PCDH9: variants seen among roughly 807,000 people sequenced by gnomAD.
The protein encoded by PCDH9 is protocadherin-9.
In PCDH9, 24 loss-of-function variants were observed where a neutral mutation model predicts 70.6. The observed-to-expected ratio is 0.34, with a 90% CI of 0.25 to 0.48. PCDH9 has a LOEUF of 0.48. PCDH9 is among the 20% of genes least tolerant of loss of function. The pLI is 0.99. For synonymous variants in PCDH9, 562 were observed against 558.5 expected, an observed-to-expected ratio of 1.01 and a Z score of -0.09; for missense variants, 1,281 against 1,503.6, an observed-to-expected ratio of 0.85 and a Z score of 2.45.
chr13:67,041,830 C>A (rs1471849559), intron 2 of PCDH9, among the ~76,000 whole-genome samples: 32 of 109,842 alleles, frequency 2.9e-4, no homozygotes, highest in African/African-American at 4.2e-4. Context: ...GACTCTGTCT[C>A]AAAAAAAAAA....
intron 3 of PCDH9, among the ~76,000 whole-genome samples, chr13:66,794,633 T>C (rs994711963): frequency 6.6e-6 from 1 of 152,180 alleles, no homozygotes; most frequent in African/African-American, 2.4e-5. Context: ...AGTTCAGATC[T>C]ACAAGGAAGA....
At chr13:67,133,903 ACTT>A (rs1418566213) in intron 2 of PCDH9, among the ~76,000 whole-genome samples, 1 of 152,100 alleles carries the variant, frequency 6.6e-6, no homozygotes, top group Non-Finnish European at 1.5e-5. Context: ...AATGGGGAAA[ACTT>A]CTACCTAAAG....
intron 4 of PCDH9, among the ~76,000 whole-genome samples, chr13:66,584,886 AAAG>A (rs2076942159): frequency 6.6e-6 from 1 of 152,170 alleles, no homozygotes; most frequent in South Asian, 2.1e-4. Flanking sequence ...AGCAATAAGC[AAAG>A]AACAGTGCGA....
chr13:66,598,690 T>C (rs2077130719), intron 4 of PCDH9, among the ~76,000 whole-genome samples: 1 of 151,806 alleles, frequency 6.6e-6, no homozygotes, highest in South Asian at 2.1e-4. Context: ...ATGCAAAATT[T>C]TGTGCTTGCT....
intron 2 of PCDH9, among the ~76,000 whole-genome samples, chr13:67,102,451 A>G (rs929234328): frequency 1.3e-5 from 2 of 152,196 alleles, no homozygotes; most frequent in African/African-American, 2.4e-5. Flanking sequence ...TGTTGCTGAC[A>G]CAGAACTCTA....
At chr13:66,539,235 A>G (rs1474846412) in intron 4 of PCDH9, among the ~76,000 whole-genome samples, 1 of 152,074 alleles carries the variant, frequency 6.6e-6, no homozygotes. Context: ...ACATCTTACT[A>G]CAATCTACTG....
At chr13:67,148,330 C>T (rs2087573298) in intron 2 of PCDH9, among the ~76,000 whole-genome samples, 1 of 151,752 alleles carries the variant, frequency 6.6e-6, no homozygotes, top group African/African-American at 2.4e-5. Context: ...AAGCAGCTTT[C>T]CCCAGACAGT....
At chr13:66,438,423 A>G (rs1566325553) in intron 4 of PCDH9, among the ~76,000 whole-genome samples, 1 of 152,188 alleles carries the variant, frequency 6.6e-6, no homozygotes, top group African/African-American at 2.4e-5. Context: ...TTTAGGCACT[A>G]GCAAGGCAAG....
At chr13:66,393,784 T>C (rs1466557961) in intron 4 of PCDH9, among the ~76,000 whole-genome samples, 1 of 152,174 alleles carries the variant, frequency 6.6e-6, no homozygotes, top group Admixed American at 6.5e-5. Context: ...GTCTTCTAAA[T>C]GAACAGTGCA....
chr13:66,906,235 A>G (rs1035190759), intron 2 of PCDH9, among the ~76,000 whole-genome samples: 1 of 152,214 alleles, frequency 6.6e-6, no homozygotes, highest in Admixed American at 6.5e-5. Flanking sequence ...CTGATGAGGG[A>G]ATCATGGTTA....
chr13:66,375,863 G>A lies in PCDH9; in HGVS notation c.3341-70835C>T, dbSNP rs146169981. 2.0e-3 allele frequency among the ~76,000 whole-genome samples: 300 copies of A among 151,954 alleles called. 1 individual carries two copies. The highest frequency in any genetic ancestry group is 6.8e-3 in the African/African-American group (281 of 41,450). On this transcript the variant is annotated intron_variant, in intron 4 of 4. Transcript: ENST00000377865. ...ATAGTACAAGTTGAGCTTCCATTAG[G>A]GTCAAAGTGCTTCACGAGATAATTA... is the stretch of plus-strand genomic sequence containing the variant.
intron 3 of PCDH9, among the ~76,000 whole-genome samples, chr13:66,776,921 C>A (rs1327513102): frequency 6.9e-6 from 1 of 145,150 alleles, no homozygotes; most frequent in African/African-American, 2.5e-5. Flanking sequence ...GGTACTGGTA[C>A]CAAAACAGAG....
At chr13:66,378,209 T>C (rs947756742) in intron 4 of PCDH9, among the ~76,000 whole-genome samples, 2 of 152,228 alleles carry the variant, frequency 1.3e-5, no homozygotes, top group African/African-American at 2.4e-5. Context: ...TTTAATCACA[T>C]GAACTGTGCT....
At chr13:66,365,912 T>C (rs1003441981) in intron 4 of PCDH9, among the ~76,000 whole-genome samples, 4 of 152,126 alleles carry the variant, frequency 2.6e-5, no homozygotes, top group African/African-American at 7.2e-5. Flanking sequence ...AATTGTTTTA[T>C]TAATTATTAT....
rs1243796070 is a variant in PCDH9 at position 66,777,312 on chromosome 13, G to A, written c.3138+126192C>T. On this transcript the variant is annotated intron_variant, in intron 3 of 4. Transcript: ENST00000377865. ...AATTAAACTAAAGAGCTTCTGCACA[G>A]CAAAAGAAACTACCATCAGAGTGAA... 6.0e-5 allele frequency among the ~76,000 whole-genome samples: 9 copies of A among 150,978 alleles called. 1 individual carries two copies. In the South Asian group the frequency reaches 1.3e-3, roughly 21 times the overall value.
intron 2 of PCDH9, among the ~76,000 whole-genome samples, chr13:67,079,193 T>C (rs1028264983): frequency 6.6e-6 from 1 of 151,826 alleles, no homozygotes; most frequent in Non-Finnish European, 1.5e-5. Flanking sequence ...TAACGAGACA[T>C]GGAATGGAGG....
At chr13:67,061,580 T>C (rs1236691517) in intron 2 of PCDH9, among the ~76,000 whole-genome samples, 2 of 152,092 alleles carry the variant, frequency 1.3e-5, no homozygotes, top group Non-Finnish European at 2.9e-5. Flanking sequence ...AATTTTACTT[T>C]TTAGTGGAGT....
chr13:66,530,785 T>C (rs1389611858), intron 4 of PCDH9, among the ~76,000 whole-genome samples: 1 of 152,128 alleles, frequency 6.6e-6, no homozygotes, highest in East Asian at 1.9e-4. Context: ...CCATTGCTGA[T>C]GTTGGTTGCA....
At chr13:66,404,829 ATACT>A (rs1281196946) in intron 4 of PCDH9, among the ~76,000 whole-genome samples, 1 of 152,102 alleles carries the variant, frequency 6.6e-6, no homozygotes, top group Non-Finnish European at 1.5e-5. Flanking sequence ...ACATTAAGAT[ATACT>A]TACTTACTTC....
Sources: allele counts gnomAD v4.1 joint callset (sites outside exome capture counted in the v4.1 genomes callset), GRCh38; gene constraint gnomAD v4.1.1; transcripts MANE v1.5; gene names NCBI Gene and HGNC (gene_info 2026-07-23, HGNC 2026-07-21).